Variants in ARHGAP17 observed in about 807,000 individuals in gnomAD.
ARHGAP17 encodes the protein Rho GTPase activating protein 17, also known as rho GTPase-activating protein 17.
Under a neutral mutation model 99.5 loss-of-function variants are expected in ARHGAP17, and 57 were observed. The observed-to-expected ratio is 0.57, with a 90% confidence interval of 0.46 to 0.71. ARHGAP17 has a LOEUF of 0.71. Among genes scored for constraint, ARHGAP17 ranks in the 30% least tolerant of loss-of-function variants. The pLI, the probability that ARHGAP17 is intolerant of heterozygous loss-of-function variation, is 0.00. For synonymous variants in ARHGAP17, 417 were observed against 429.6 expected (o/e 0.97, Z 0.36); for missense variants, 1,000 against 1,122.4 (o/e 0.89, Z 1.56).
chr16:24,991,268 T>C (rs1425214304), intron 1 of ARHGAP17, among the ~76,000 whole-genome samples: 1 of 152,196 alleles, frequency 6.6e-6, no homozygotes, highest in Middle Eastern at 3.2e-3. Flanking sequence ...ACCATAGTGG[T>C]TGTTTAGGAA....
At chr16:24,943,537 G>A (rs2051375531) in intron 15 of ARHGAP17, among the ~76,000 whole-genome samples, 2 of 152,158 alleles carry the variant, frequency 1.3e-5, no homozygotes, top group Non-Finnish European at 2.9e-5. Flanking sequence ...CACCCAGTGG[G>A]TATTCAACAT....
intron 6 of ARHGAP17, 72 bp from the exon 7 acceptor site, chr16:24,964,380 T>C (rs2052107863): frequency 9.8e-7 from 1 of 1,018,722 alleles, no homozygotes; most frequent in East Asian, 2.5e-5. Context: ...CAGGACCTGG[T>C]GGAGATAGAT....
intron 19 of ARHGAP17, among the ~76,000 whole-genome samples, chr16:24,927,114 T>TA (rs1184855366): frequency 2.0e-5 from 3 of 151,574 alleles, no homozygotes; most frequent in Non-Finnish European, 4.4e-5. Context: ...CTACTAAAAA[T>TA]AAAAAAAATA....
intron 1 of ARHGAP17, 70 bp downstream of exon 1, chr16:25,015,139 T>TTGGCCC: frequency 8.4e-7 from 1 of 1,195,768 alleles, no homozygotes; most frequent in African/African-American, 1.7e-5. Flanking sequence ...GGAGGAGCCG[T>TTGGCCC]CCCGCCCCCG....
At chr16:24,964,058 G>T in intron 7 of ARHGAP17, 139 bp downstream of exon 7, 1 of 545,778 alleles carries the variant, frequency 1.8e-6, no homozygotes. Context: ...TCTTAGAGAA[G>T]AAGAAAATAA....
intron 1 of ARHGAP17, among the ~76,000 whole-genome samples, chr16:24,999,249 T>C (rs2053290448): frequency 6.6e-6 from 1 of 152,240 alleles, no homozygotes; most frequent in Non-Finnish European, 1.5e-5. Context: ...AGCGGAGTTC[T>C]TAAAATTACT....
At chr16:24,986,616 A>G (rs2052879644) in intron 1 of ARHGAP17, among the ~76,000 whole-genome samples, 1 of 152,246 alleles carries the variant, frequency 6.6e-6, no homozygotes, top group African/African-American at 2.4e-5. Context: ...TTTGAGCTTC[A>G]ACAGCAGAAC....
intron 19 of ARHGAP17, 124 bp downstream of exon 19, chr16:24,930,660 G>A (rs1252549175): frequency 3.9e-6 from 6 of 1,536,372 alleles, no homozygotes; most frequent in South Asian, 1.1e-5. Context: ...TGCAGGACAG[G>A]TTTGGTTTGG....
intron 1 of ARHGAP17, among the ~76,000 whole-genome samples, chr16:25,003,314 A>G (rs2053421729): frequency 7.2e-6 from 1 of 139,128 alleles, no homozygotes; most frequent in South Asian, 2.3e-4. Context: ...AGCTCATTGC[A>G]ACCTCTGCTT....
chr16:24,940,563 A>G (rs763895852), intron 16 of ARHGAP17, among the ~76,000 whole-genome samples: 1 of 152,006 alleles, frequency 6.6e-6, no homozygotes, highest in African/African-American at 2.4e-5. Flanking sequence ...TAGCTGCGTG[A>G]GGTGGTGCGT....
At chr16:24,996,585 A>G (rs939942875) in intron 1 of ARHGAP17, among the ~76,000 whole-genome samples, 1 of 152,098 alleles carries the variant, frequency 6.6e-6, no homozygotes, top group Non-Finnish European at 1.5e-5. Flanking sequence ...CCCTCCCTCT[A>G]CCCCAAGCAA....
chr16:24,935,843 A>ATT (rs113859127), intron 17 of ARHGAP17: 3 of 550,446 alleles, frequency 5.5e-6, no homozygotes, highest in East Asian at 3.4e-5. Flanking sequence ...ACTTGGTGCC[A>ATT]TTTTTTTTTT....
rs138743604 is a variant in ARHGAP17 at position 24,989,750 on chromosome 16, T to C, written c.54-10745A>G. ...TTAAAATGAGACATTTTTTGAAATA[T>C]GTCAGACACAGAAAGATATATACCA... On this transcript the variant is annotated intron_variant, in intron 1 of 19. Transcript: ENST00000289968. Among the ~76,000 whole-genome samples the C allele has an allele frequency of 3.5e-3, 533 of 152,322 alleles. 4 individuals are homozygous for C. The highest frequency in any genetic ancestry group is 0.012 in the African/African-American group (499 of 41,572).
intron 18 of ARHGAP17, among the ~76,000 whole-genome samples, chr16:24,934,996 C>T (rs552812726): frequency 1.2e-4 from 19 of 152,260 alleles, no homozygotes; most frequent in Admixed American, 4.6e-4. Context: ...AACCAAGAGA[C>T]GACATGATCT....
At chr16:24,975,952 C>G (rs1222731024) in intron 3 of ARHGAP17, among the ~76,000 whole-genome samples, 1 of 152,168 alleles carries the variant, frequency 6.6e-6, no homozygotes, top group Non-Finnish European at 1.5e-5. Flanking sequence ...CTCTTCCTCT[C>G]TATACTAGTA....
chr16:24,922,483 G>C (rs1255113495), intron 19 of ARHGAP17, among the ~76,000 whole-genome samples: 1 of 151,784 alleles, frequency 6.6e-6, no homozygotes, highest in Non-Finnish European at 1.5e-5. Flanking sequence ...ATGTGTTTTG[G>C]GGCATAAAGG....
Position 24,919,536 on chromosome 16 carries a change from G to T in ARHGAP17, c.*594C>A, listed in dbSNP as rs1049699025. 3 of 152,246 alleles carry T rather than the reference G, an allele frequency of 2.0e-5. No homozygotes were observed. The highest frequency in any genetic ancestry group is 7.3e-5 in the African/African-American group (3 of 41,348). The allele number at this position is 152,246 out of a possible 1,614,324, so 9.4% of individuals were successfully genotyped here. On this transcript the variant is annotated 3_prime_UTR_variant, in exon 20 of 20. Coordinates refer to ENST00000289968, the MANE Select transcript of ARHGAP17 (RefSeq NM_001006634.3). ...CTACATTCCGACAATCCAACGAGGC[G>T]GCATGGGTCACATCCAGTTTGATGA...
At chr16:24,985,012 T>C (rs753905099) in intron 1 of ARHGAP17, among the ~76,000 whole-genome samples, 1 of 152,212 alleles carries the variant, frequency 6.6e-6, no homozygotes, top group African/African-American at 2.4e-5. Context: ...GAATTTGTTA[T>C]ATATCCTTCC....
intron 14 of ARHGAP17, among the ~76,000 whole-genome samples, chr16:24,944,597 G>A (rs1334877487): frequency 6.6e-6 from 1 of 152,044 alleles, no homozygotes; most frequent in Non-Finnish European, 1.5e-5. Flanking sequence ...TTGTTACAGT[G>A]TGCCTTTTAT....
Sources: allele counts gnomAD v4.1 joint callset (sites outside exome capture counted in the v4.1 genomes callset), GRCh38; gene constraint gnomAD v4.1.1; transcripts MANE v1.5; gene names NCBI Gene and HGNC (gene_info 2026-07-23, HGNC 2026-07-21).